The following EZH1 variants were observed in gnomAD, a reference collection of about 807,000 sequenced individuals.
The protein encoded by EZH1 is histone-lysine N-methyltransferase EZH1.
A neutral mutation model predicts 100.5 loss-of-function variants in EZH1; 33 were observed. The observed-to-expected ratio is 0.33, with a 90% CI of 0.25 to 0.44. The LOEUF (loss-of-function observed/expected upper bound fraction) is 0.44, where lower values mean the gene tolerates loss of function less well. Ranked by LOEUF, EZH1 falls within the 20% of genes least tolerant of loss-of-function variation. The pLI, the probability that EZH1 is intolerant of heterozygous loss-of-function variation, is 1.00. For missense variants in EZH1, 475 were observed against 928.4 expected (o/e 0.51, Z 6.35); for synonymous variants, 272 against 313.8 (o/e 0.87, Z 1.41).
chr17:42,736,924 T>C lies in EZH1; in HGVS notation c.-102-6006A>G, dbSNP rs376276301. 2.6e-5 allele frequency among the ~76,000 whole-genome samples: 4 copies of C among 151,848 alleles called. No homozygotes were observed. The East Asian group carries it at 7.7e-4, about 29-fold the overall frequency. On this transcript the variant is annotated intron_variant, in intron 1 of 20. Transcript: ENST00000428826. ...AAAATAAGACGCAAATAACTGCATA[T>C]GATTCCACTTAAGATGTTCTGCTGG...
intron 1 of EZH1, among the ~76,000 whole-genome samples, chr17:42,738,130 G>A (rs914581505): frequency 4.4e-4 from 66 of 149,878 alleles, no homozygotes; most frequent in African/African-American, 1.5e-3. Context: ...GAGCCGAGAC[G>A]GTGCCACTGA....
At chr17:42,726,375 T>A (rs554591576) in intron 4 of EZH1, among the ~76,000 whole-genome samples, 3 of 151,904 alleles carry the variant, frequency 2.0e-5, no homozygotes, top group East Asian at 3.9e-4. Flanking sequence ...AATATTTACT[T>A]TTTATATTTT....
At chr17:42,716,110 GAAACAAAACA>G (rs972482966) in intron 10 of EZH1, among the ~76,000 whole-genome samples, 1 of 150,674 alleles carries the variant, frequency 6.6e-6, no homozygotes, top group Non-Finnish European at 1.5e-5. Flanking sequence ...TCCTGGTTTG[GAAACAAAACA>G]AAACAAAACA....
chr17:42,727,933 C>T (rs528471311), intron 3 of EZH1, among the ~76,000 whole-genome samples, 170 bp from the exon 4 acceptor site: 54 of 152,054 alleles, frequency 3.6e-4, no homozygotes, highest in Middle Eastern at 3.4e-3. Context: ...TCTCCTACCT[C>T]GGCCTCCCAA....
intron 5 of EZH1, 46 bp downstream of exon 5, chr17:42,724,259 A>T: frequency 6.2e-7 from 1 of 1,606,416 alleles, no homozygotes; most frequent in Non-Finnish European, 8.5e-7. Context: ...TCAACATAAC[A>T]CAATCATACA....
At chr17:42,709,797 A>C (rs1567986638) in intron 13 of EZH1, 49 bp downstream of exon 13, 1 of 1,576,468 alleles carries the variant, frequency 6.3e-7, no homozygotes, top group African/African-American at 1.3e-5. Context: ...GTCAGAGCAC[A>C]GGGAACAGCC....
At chr17:42,733,921 CAG>C (rs924627516) in intron 1 of EZH1, among the ~76,000 whole-genome samples, 1 of 114,966 alleles carries the variant, frequency 8.7e-6, no homozygotes, top group Non-Finnish European at 1.6e-5. Context: ...TGCCTGGTGA[CAG>C]AGCGAGACTC....
In EZH1 at chr17:42,703,947, G is replaced by A. The variant is rs979545030; in HGVS notation, c.2018-127C>T. 43 of 730,562 alleles carry A rather than the reference G, an allele frequency of 5.9e-5. 1 individual carries two copies. Among genetic ancestry groups the A allele is most frequent in the East Asian group, 3.2e-4 (13 of 40,148 alleles). 45.3% of individuals were successfully genotyped at this position (730,562 alleles called of 1,614,324 possible). On this transcript the variant is annotated intron_variant, in intron 18 of 20. Transcript: ENST00000428826. ...TCTGATGGGAATGTTGAAGCCCAGTGTGCTAACAGGAGCAGAGGAAAGCAT... is the reference window on the plus strand; with the variant it reads ...TCTGATGGGAATGTTGAAGCCCAGTATGCTAACAGGAGCAGAGGAAAGCAT...
intron 10 of EZH1, 28 bp downstream of exon 10, chr17:42,717,948 A>G (rs1446500940): frequency 6.2e-7 from 1 of 1,606,616 alleles, no homozygotes; most frequent in Non-Finnish European, 8.5e-7. Context: ...AATGAAGTTA[A>G]TAATGCCAGA....
At chr17:42,724,906 C>T (rs1390266785) in intron 4 of EZH1, among the ~76,000 whole-genome samples, 4 of 151,942 alleles carry the variant, frequency 2.6e-5, no homozygotes, top group Non-Finnish European at 5.9e-5. Flanking sequence ...TGGTGGCTCA[C>T]GCCTGTAATC....
At chr17:42,725,272 CTCTT>C (rs2053796350) in intron 4 of EZH1, among the ~76,000 whole-genome samples, 1 of 151,658 alleles carries the variant, frequency 6.6e-6, no homozygotes, top group African/African-American at 2.4e-5. Context: ...AAAGTAGAAA[CTCTT>C]TTTTTTTTTT....
intron 12 of EZH1, 113 bp from the exon 13 acceptor site, chr17:42,710,050 C>A: frequency 1.2e-6 from 1 of 826,970 alleles, no homozygotes; most frequent in Non-Finnish European, 2.1e-6. Context: ...GCTGACCAAG[C>A]CTCTCATCAG....
intron 16 of EZH1, among the ~76,000 whole-genome samples, chr17:42,705,394 C>A (rs2053332244): frequency 6.6e-6 from 1 of 152,172 alleles, no homozygotes; most frequent in South Asian, 2.1e-4. Flanking sequence ...ATATCTCTTC[C>A]TTTATCCATG....
Position 42,744,409 on chromosome 17 carries a change from G to A in EZH1, c.-103+602C>T, listed in dbSNP as rs181579424. Among the ~76,000 whole-genome samples, 82 of 152,250 alleles carry A rather than the reference G, an allele frequency of 5.4e-4. No individual in the cohort carries two copies. The East Asian group carries it at 0.015, about 28-fold the overall frequency. On this transcript the variant is annotated intron_variant, in intron 1 of 20. Coordinates refer to ENST00000428826, the MANE Select transcript of EZH1 (RefSeq NM_001991.5). ...AGATTCTTGCTCAGGGCCAGGCCTG[G>A]GGTGAGGCGACCGAGGCACCCAGGA...
intron 2 of EZH1, among the ~76,000 whole-genome samples, chr17:42,730,091 T>C (rs2053911027): frequency 6.6e-6 from 1 of 152,038 alleles, no homozygotes; most frequent in Non-Finnish European, 1.5e-5. Flanking sequence ...ACAACAAAAT[T>C]TCACATCAGC....
At chr17:42,721,947 C>T (rs1597845383) in intron 6 of EZH1, among the ~76,000 whole-genome samples, 2 of 151,310 alleles carry the variant, frequency 1.3e-5, no homozygotes, top group South Asian at 2.1e-4. Context: ...GTCAGGAGAT[C>T]GAGACCATCC....
At position 42,727,684 on chromosome 17, in the gene EZH1, T is replaced by G; in HGVS notation, c.197A>C (p.Gln66Pro). Residue 66 changes from glutamine to proline, a missense_variant, in exon 4 of 21, where the codon CAA becomes CCA. Gln to Pro is a moderately conservative substitution (Grantham distance 76). Around this residue, in one of 8 missense-constraint regions of EZH1, gnomAD observed 105 missense variants for 129.8 expected, o/e 0.81. Coordinates refer to ENST00000428826, the MANE Select transcript of EZH1 (RefSeq NM_001991.5). ...LNEEWKKLRV[Q>P]PVQSMKPVSG... ...CACAGGCTTCATTGACTGAACAGGT[T>G]GGACACGAAGCTTCTTCCATTCTTC... The G allele has an allele frequency of 6.2e-7, 1 of 1,609,718 alleles. No individual in the cohort carries two copies.
intron 18 of EZH1, among the ~76,000 whole-genome samples, 199 bp downstream of exon 18, chr17:42,704,403 T>C (rs1057046057): frequency 2.0e-4 from 31 of 152,148 alleles, no homozygotes; most frequent in African/African-American, 7.2e-4. Context: ...TAGCCGGGCA[T>C]GGTGGCAGGT....
At chr17:42,724,816 G>A (rs1597849969) in intron 4 of EZH1, among the ~76,000 whole-genome samples, 1 of 151,330 alleles carries the variant, frequency 6.6e-6, no homozygotes, top group East Asian at 2.0e-4. Flanking sequence ...GATCTTAGTA[G>A]CCTCTAGTTC....
Sources: gnomAD v4.1 joint callset for allele counts (sites outside exome capture counted in the v4.1 genomes callset) on GRCh38, gnomAD v4.1.1 for gene constraint, gnomAD v4.1.1 regional missense constraint, MANE v1.5 for transcripts, NCBI Gene and HGNC (gene_info 2026-07-23, HGNC 2026-07-21) for gene names.